Variants in CD34 observed in about 807,000 individuals in gnomAD.
CD34 encodes hematopoietic progenitor cell antigen CD34.
CD34 carries 34 observed loss-of-function variants against 40.1 expected under a neutral mutation model. That is an observed-to-expected ratio of 0.85 (90% CI 0.65 to 1.13). The LOEUF (loss-of-function observed/expected upper bound fraction) is 1.13, where lower values mean the gene tolerates loss of function less well. CD34 is among the 50% of genes most tolerant of loss of function. The probability of loss-of-function intolerance (pLI) is 0.00; values close to 1 mark genes in which losing one functional copy is unlikely to be tolerated. For synonymous variants in CD34, 209 were observed against 190.0 expected, an observed-to-expected ratio of 1.10 and a Z score of -0.82; for missense variants, 426 against 466.9, an observed-to-expected ratio of 0.91 and a Z score of 0.81.
At chr1:207,891,706 G>C (rs908916587) in intron 4 of CD34, among the ~76,000 whole-genome samples, 2 of 151,106 alleles carry the variant, frequency 1.3e-5, no homozygotes, top group Non-Finnish European at 2.9e-5. Context: ...TGATATCCAG[G>C]CACAGTTCTG....
Position 207,887,796 on chromosome 1 carries a change from G to C in CD34, c.1100C>G (p.Ala367Gly), listed in dbSNP as rs1212195813. 5.6e-6 allele frequency: 9 copies of C among 1,614,168 alleles called. No individual in the cohort carries two copies. The highest frequency in any genetic ancestry group is 6.8e-6 in the Non-Finnish European group (8 of 1,180,022). The change falls in exon 8 of 8, where the codon GCC (alanine) becomes GGC (glycine). Residue 367 changes from alanine to glycine, a missense_variant. Transcript: ENST00000310833. The part of the protein sequence containing the change: ...RGAQENGTGQ[A>G]TSRNGHSARQ... ...TGCTGAATGGCCGTTTCTGGAGGTG[G>C]CCTGGCCGGTCCCGTTTTCCTGAGC...
chr1:207,909,799 A>G (rs1231974346), intron 1 of CD34, among the ~76,000 whole-genome samples: 1 of 152,210 alleles, frequency 6.6e-6, no homozygotes, highest in African/African-American at 2.4e-5. Flanking sequence ...GCACACATCC[A>G]GGACTGCCAA....
intron 7 of CD34, chr1:207,888,154 A>G (rs1286164872): frequency 1.2e-6 from 2 of 1,612,626 alleles, no homozygotes; most frequent in Admixed American, 3.3e-5. Context: ...GCACCACACC[A>G]TGCCACCGCA....
chr1:207,897,634 A>G (rs550546649), intron 3 of CD34, 61 bp from the exon 4 acceptor site: 2 of 1,322,440 alleles, frequency 1.5e-6, no homozygotes, highest in East Asian at 2.5e-5. Context: ...TTTGCTCCTC[A>G]TTTCTTTCCC....
chr1:207,892,783 G>A (rs4539132), intron 4 of CD34, among the ~76,000 whole-genome samples: 1 of 152,042 alleles, frequency 6.6e-6, no homozygotes, highest in African/African-American at 2.4e-5. Flanking sequence ...GTGTTGGGGG[G>A]AGTGCACATT....
chr1:207,908,083 G>A lies in CD34; in HGVS notation c.79+2919C>T, dbSNP rs546944366. Among the ~76,000 whole-genome samples the A allele has an allele frequency of 1.1e-3, 161 of 152,274 alleles. 1 individual carries two copies. The highest frequency in any genetic ancestry group is 7.1e-3 in the South Asian group (34 of 4,820). The stretch of plus-strand genomic sequence containing the variant: ...AAGGAAATCAGGCAATGAGACCAAC[G>A]GTAAGAAGTGGAATTTGTTCCTCAT... On this transcript the variant is annotated intron_variant, in intron 1 of 7. Transcript: ENST00000310833.
rs118065520 is a variant in CD34 at position 207,889,789 on chromosome 1, C to T, written c.598-168G>A. On this transcript the variant is annotated intron_variant, in intron 4 of 7. Transcript: ENST00000310833. The stretch of plus-strand genomic sequence containing the variant: ...AAAACTGCTAACTGTATATGTGCAA[C>T]AACACAATAAGAAAAAAACCTAAAT... The T allele has an allele frequency of 3.1e-4, 494 of 1,575,524 alleles. 4 individuals are homozygous for T. The East Asian group carries it at 8.9e-3, about 28-fold the overall frequency.
Position 207,887,500 on chromosome 1 carries a change from C to A in CD34, c.*238G>T. On this transcript the variant is annotated 3_prime_UTR_variant, in exon 8 of 8. Coordinates refer to ENST00000310833, the MANE Select transcript of CD34 (RefSeq NM_001025109.2). ...GCTTCTCCAGACCTTGGCTTTCCCC[C>A]GTCACACGTTTACCCAAAGAAGACC... The A allele has an allele frequency of 1.8e-6, 1 of 549,268 alleles. No homozygotes were observed. The highest frequency in any genetic ancestry group is 3.1e-5 in the East Asian group (1 of 32,040). The allele number at this position is 549,268 out of a possible 1,614,324, so 34.0% of individuals were successfully genotyped here.
intron 1 of CD34, among the ~76,000 whole-genome samples, chr1:207,901,096 C>G (rs1662264184): frequency 6.6e-6 from 1 of 151,490 alleles, no homozygotes; most frequent in Non-Finnish European, 1.5e-5. Context: ...CCTTAAGCTC[C>G]TGGCCTCAAG....
Position 207,885,087 on chromosome 1 carries a change from T to G in CD34, c.*2651A>C, listed in dbSNP as rs1661876028. 1 of 152,196 alleles carries G rather than the reference T, an allele frequency of 6.6e-6. No individual in the cohort carries two copies. Among genetic ancestry groups the G allele is most frequent in the South Asian group, 2.1e-4 (1 of 4,826 alleles). The allele number at this position is 152,196 out of a possible 1,614,324, so 9.4% of individuals were successfully genotyped here. On this transcript the variant is annotated 3_prime_UTR_variant, in exon 8 of 8. Coordinates refer to ENST00000310833, the MANE Select transcript of CD34 (RefSeq NM_001025109.2). The stretch of plus-strand genomic sequence containing the variant: ...TAACTATACCATAAGGGAGTTTAAT[T>G]AAATGTATCTTTAAAGTTCTCTTCA...
chr1:207,886,777 A>C lies in CD34; in HGVS notation c.*961T>G, dbSNP rs1661905719. The C allele has an allele frequency of 6.5e-6, 1 of 152,726 alleles. No homozygotes were observed. Among genetic ancestry groups the C allele is most frequent in the South Asian group, 2.1e-4 (1 of 4,828 alleles). 9.5% of individuals were successfully genotyped at this position (152,726 alleles called of 1,614,324 possible). A position where few individuals can be genotyped will look rare whatever the true frequency, so the allele number is the denominator to read the frequency against. ...CTGGGCTATGACCATATGGGGGTGC[A>C]GAGCAAGGAAGGGGCTCAGGGTGAG... On this transcript the variant is annotated 3_prime_UTR_variant, in exon 8 of 8. Coordinates refer to ENST00000310833, the MANE Select transcript of CD34 (RefSeq NM_001025109.2).
rs773214453 is a variant in CD34, at chr1:207,897,475, G to A, written c.597+18C>T. On this transcript the variant is annotated intron_variant, in intron 4 of 7. Transcript: ENST00000310833. ...GGACAGGGGCGGGAGGAAGAGGTTG[G>A]GTGGGGGGTTGACTTACACAGCTGG... 3 of 1,539,604 alleles carry A rather than the reference G, an allele frequency of 1.9e-6. No individual in the cohort carries two copies. Among genetic ancestry groups the A allele is most frequent in the Admixed American group, 1.9e-5 (1 of 51,772 alleles).
chr1:207,909,721 A>G (rs1662461667), intron 1 of CD34, among the ~76,000 whole-genome samples: 1 of 152,132 alleles, frequency 6.6e-6, no homozygotes. Flanking sequence ...CACTCCTGTT[A>G]TGAGGGCCTA....
intron 1 of CD34, among the ~76,000 whole-genome samples, chr1:207,909,646 A>T (rs1030191936): frequency 6.6e-6 from 1 of 152,114 alleles, no homozygotes; most frequent in African/African-American, 2.4e-5. Flanking sequence ...TGACCTCATG[A>T]TCTGCCTGCC....
chr1:207,910,259 A>C (rs1273646687), intron 1 of CD34, among the ~76,000 whole-genome samples: 1 of 152,180 alleles, frequency 6.6e-6, no homozygotes, highest in Non-Finnish European at 1.5e-5. Flanking sequence ...CCAAAAGGTG[A>C]CAAGTTTTGA....
chr1:207,897,993 C>A (rs1355219980), intron 3 of CD34, among the ~76,000 whole-genome samples: 1 of 152,080 alleles, frequency 6.6e-6, no homozygotes, highest in Non-Finnish European at 1.5e-5. Flanking sequence ...TGTTTTTTCT[C>A]CTGGCCTCCA....
At chr1:207,897,895 T>TCCC (rs2102300990) in intron 3 of CD34, among the ~76,000 whole-genome samples, 1 of 152,282 alleles carries the variant, frequency 6.6e-6, no homozygotes, top group Admixed American at 6.5e-5. Flanking sequence ...CCATTTGGGT[T>TCCC]GTTTTCTCTC....
At position 207,889,200 on chromosome 1, in the gene CD34, T is replaced by C. The variant is rs1419719961; in HGVS notation, c.768A>G (p.Lys256=). The C allele has an allele frequency of 1.2e-6, 2 of 1,613,102 alleles. No individual in the cohort carries two copies. The highest frequency in any genetic ancestry group is 1.7e-5 in the Admixed American group (1 of 60,024). Residue 256 remains lysine (K), a synonymous_variant, in exon 6 of 8, where the codon AAA becomes AAG. Transcript: ENST00000310833. ...VLANRTEISS[K]LQLMKKHQSD... ...ATTGGTGCTTTTTCATAAGTTGGAG[T>C]TTGCTGGAAATTTCTAGAATTAGAA...
intron 1 of CD34, among the ~76,000 whole-genome samples, chr1:207,903,954 G>A (rs541041300): frequency 6.5e-4 from 99 of 152,208 alleles, no homozygotes; most frequent in Non-Finnish European, 1.2e-3. Flanking sequence ...ACATAGCCAC[G>A]ACATGTTCAT....
Sources: gnomAD v4.1 joint callset for allele counts (sites outside exome capture counted in the v4.1 genomes callset) on GRCh38, gnomAD v4.1.1 for gene constraint, MANE v1.5 for transcripts, NCBI Gene and HGNC (gene_info 2026-07-23, HGNC 2026-07-21) for gene names.